Variants in DGKB observed in about 807,000 individuals in gnomAD.
DGKB encodes 90 kDa diacylglycerol kinase.
A neutral mutation model predicts 114.3 loss-of-function variants in DGKB; 67 were observed. The observed-to-expected ratio is 0.59, with a 90% CI of 0.48 to 0.72. The LOEUF is 0.72. DGKB is among the 30% of genes least tolerant of loss of function. The pLI, the probability that DGKB is intolerant of heterozygous loss-of-function variation, is 0.00. For missense variants in DGKB, 907 were observed against 975.2 expected, an observed-to-expected ratio of 0.93 and a Z score of 0.93; for synonymous variants, 398 against 323.1, an observed-to-expected ratio of 1.23 and a Z score of -2.49.
At chr7:14,530,361 T>C (rs1791374088) in intron 20 of DGKB, among the ~76,000 whole-genome samples, 1 of 151,626 alleles carries the variant, frequency 6.6e-6, no homozygotes, top group African/African-American at 2.4e-5. Context: ...CTTGTCATTC[T>C]GTATATACAA....
intron 21 of DGKB, among the ~76,000 whole-genome samples, chr7:14,411,463 GA>G (rs1177348219): frequency 6.6e-6 from 1 of 152,134 alleles, no homozygotes; most frequent in East Asian, 1.9e-4. Flanking sequence ...AATCTCTGGA[GA>G]ATGTCTGACA....
chr7:14,356,609 C>G (rs1301294497), intron 21 of DGKB, among the ~76,000 whole-genome samples: 1 of 152,038 alleles, frequency 6.6e-6, no homozygotes, highest in Non-Finnish European at 1.5e-5. Context: ...ATCAGCCCAC[C>G]TCAGCCTCCC....
At chr7:14,336,165 C>T (rs1810618548) in intron 23 of DGKB, among the ~76,000 whole-genome samples, 1 of 152,086 alleles carries the variant, frequency 6.6e-6, no homozygotes, top group African/African-American at 2.4e-5. Context: ...TTAAGTATAA[C>T]ATTGAAGAAT....
intron 21 of DGKB, among the ~76,000 whole-genome samples, chr7:14,396,029 T>C (rs1369200026): frequency 6.6e-6 from 1 of 152,068 alleles, no homozygotes; most frequent in Non-Finnish European, 1.5e-5. Flanking sequence ...AATTGTTTAG[T>C]CTTCTAGACT....
rs575248960 is a variant in DGKB at position 14,521,748 on chromosome 7, TG to T, written c.1771-43524del. Among the ~76,000 whole-genome samples the T allele has an allele frequency of 1.7e-4, 26 of 152,304 alleles. 1 individual carries two copies. In the South Asian group the frequency reaches 5.4e-3, roughly 32 times the overall value. On this transcript the variant is annotated intron_variant, in intron 20 of 25. Coordinates refer to ENST00000402815, the MANE Select transcript of DGKB (RefSeq NM_001350709.2). ...ATAACAACATCTATGTTTTAACATC[TG>T]GGAAAATTCAGAAACTATTTATACT... is the stretch of plus-strand genomic sequence containing the variant.
At chr7:14,213,073 C>G (rs1221128780) in intron 23 of DGKB, among the ~76,000 whole-genome samples, 1 of 151,872 alleles carries the variant, frequency 6.6e-6, no homozygotes, top group African/African-American at 2.4e-5. Flanking sequence ...TGTACCAGTT[C>G]AATTTGAAAT....
intron 1 of DGKB, among the ~76,000 whole-genome samples, chr7:14,915,385 T>C (rs1186717693): frequency 6.6e-6 from 1 of 151,862 alleles, no homozygotes; most frequent in Non-Finnish European, 1.5e-5. Context: ...CCTAACGCCA[T>C]AAGAAAAGGA....
At chr7:14,641,550 G>C (rs1157728345) in intron 13 of DGKB, among the ~76,000 whole-genome samples, 1 of 150,038 alleles carries the variant, frequency 6.7e-6, no homozygotes, top group Non-Finnish European at 1.5e-5. Context: ...ATTCATGTTT[G>C]ATTTTTTTGT....
chr7:14,293,684 A>G (rs988196177), intron 23 of DGKB, among the ~76,000 whole-genome samples: 12 of 151,906 alleles, frequency 7.9e-5, no homozygotes, highest in Non-Finnish European at 1.6e-4. Context: ...TTCTATCCGC[A>G]TTCTTTTTCT....
At chr7:14,240,267 T>C (rs1436936528) in intron 23 of DGKB, among the ~76,000 whole-genome samples, 1 of 152,068 alleles carries the variant, frequency 6.6e-6, no homozygotes, top group Non-Finnish European at 1.5e-5. Flanking sequence ...AAAGCCTAGG[T>C]TCCATGTAAA....
intron 9 of DGKB, among the ~76,000 whole-genome samples, chr7:14,687,485 T>G (rs986765868): frequency 1.3e-5 from 2 of 152,156 alleles, no homozygotes; most frequent in African/African-American, 4.8e-5. Context: ...AGTCATAGAT[T>G]TCTAGTAGCT....
chr7:14,497,363 A>G (rs900708996), intron 20 of DGKB, among the ~76,000 whole-genome samples: 2 of 151,826 alleles, frequency 1.3e-5, no homozygotes, highest in African/African-American at 2.4e-5. Flanking sequence ...ATAAAACATA[A>G]GAAATGTTTT....
At chr7:14,701,344 G>GT (rs1304642395) in intron 7 of DGKB, among the ~76,000 whole-genome samples, 1 of 152,134 alleles carries the variant, frequency 6.6e-6, no homozygotes, top group Admixed American at 6.5e-5. Context: ...GTTACAGATA[G>GT]TTTTTCCCTC....
chr7:14,214,389 GTT>G (rs3067642), intron 23 of DGKB, among the ~76,000 whole-genome samples: 5,311 of 151,932 alleles, frequency 0.035, 219 homozygotes, highest in African/African-American at 0.098. Context: ...TCAAATTAAT[GTT>G]TTTTAACAAA....
At chr7:14,354,491 T>C (rs1212957931) in intron 21 of DGKB, among the ~76,000 whole-genome samples, 1 of 152,136 alleles carries the variant, frequency 6.6e-6, no homozygotes, top group Non-Finnish European at 1.5e-5. Context: ...TTATAAGAAT[T>C]GGAATTATGT....
chr7:14,797,200 C>A (rs1841526662), intron 2 of DGKB, among the ~76,000 whole-genome samples: 2 of 152,156 alleles, frequency 1.3e-5, no homozygotes, highest in African/African-American at 2.4e-5. Context: ...GAACAAAAGT[C>A]TCACCTGAGT....
At chr7:14,438,973 T>C (rs1829671609) in intron 21 of DGKB, among the ~76,000 whole-genome samples, 1 of 144,714 alleles carries the variant, frequency 6.9e-6, no homozygotes, top group Admixed American at 7.1e-5. Flanking sequence ...AATTATATTA[T>C]AATGGGGGAA....
chr7:14,933,274 G>A (rs372447122), intron 1 of DGKB, among the ~76,000 whole-genome samples: 61 of 152,142 alleles, frequency 4.0e-4, no homozygotes, highest in African/African-American at 1.4e-3. Flanking sequence ...TTTCCATAAT[G>A]CTCATTACAT....
At chr7:14,555,211 T>C (rs538033106) in intron 20 of DGKB, among the ~76,000 whole-genome samples, 7 of 152,344 alleles carry the variant, frequency 4.6e-5, no homozygotes, top group South Asian at 2.1e-4. Flanking sequence ...TTGTGCATTT[T>C]ATCCCTCTCC....
Sources: allele counts gnomAD v4.1 joint callset (sites outside exome capture counted in the v4.1 genomes callset), GRCh38; gene constraint gnomAD v4.1.1; transcripts MANE v1.5; gene names NCBI Gene and HGNC (gene_info 2026-07-23, HGNC 2026-07-21).